KIF27: variants seen among roughly 807,000 people sequenced by gnomAD.
The protein encoded by KIF27 is kinesin-like protein KIF27.
KIF27 carries 84 observed loss-of-function variants against 141.8 expected under a neutral mutation model. The ratio of observed to expected loss-of-function variants is 0.59; its 90% confidence interval spans 0.50 to 0.71. The LOEUF (loss-of-function observed/expected upper bound fraction) is 0.71, where lower values mean the gene tolerates loss of function less well. Among genes scored for constraint, KIF27 ranks in the 30% least tolerant of loss-of-function variants. The pLI, the probability that KIF27 is intolerant of heterozygous loss-of-function variation, is 0.00. For missense variants in KIF27, 1,306 were observed against 1,628.4 expected, an observed-to-expected ratio of 0.80 and a Z score of 3.41; for synonymous variants, 471 against 569.5, an observed-to-expected ratio of 0.83 and a Z score of 2.46.
chr9:83,903,615 A>C lies in KIF27; in HGVS notation c.903T>G (p.Leu301=). The C allele has an allele frequency of 1.2e-6, 2 of 1,614,150 alleles. No homozygotes were observed. The highest frequency in any genetic ancestry group is 1.7e-6 in the Non-Finnish European group (2 of 1,180,026). The stretch of plus-strand genomic sequence containing the variant: ...CACTGCCTCCCAGAGAATCTTTCAG[A>C]AGCCGGGTAATTTTAGCATCCCTAT... ...IPYRDAKITR[L]LKDSLGGSAK... is the part of the protein sequence containing the mutation. Residue 301 remains leucine (L), a synonymous_variant, in exon 4 of 18, where the codon CTT becomes CTG. Transcript: ENST00000297814.
intron 10 of KIF27, among the ~76,000 whole-genome samples, chr9:83,883,205 C>G (rs1000219357): frequency 2.0e-5 from 3 of 152,064 alleles, no homozygotes; most frequent in African/African-American, 4.8e-5. Flanking sequence ...GAGGACACAT[C>G]CTAGAAAGTT....
chr9:83,862,704 C>A (rs1211305440), intron 13 of KIF27, among the ~76,000 whole-genome samples: 1 of 152,084 alleles, frequency 6.6e-6, no homozygotes, highest in Non-Finnish European at 1.5e-5. Context: ...TTTTCCAGTT[C>A]TGTGAAGAAA....
chr9:83,858,989 G>C (rs1023204223), intron 14 of KIF27, 167 bp downstream of exon 14: 3 of 626,328 alleles, frequency 4.8e-6, no homozygotes, highest in Non-Finnish European at 8.6e-6. Context: ...CTCTAGTCCA[G>C]CGTGGTTTAT....
At chr9:83,909,210 T>C (rs1218066569) in intron 2 of KIF27, among the ~76,000 whole-genome samples, 2 of 152,010 alleles carry the variant, frequency 1.3e-5, no homozygotes, top group South Asian at 2.1e-4. Flanking sequence ...GGAAAAAAAA[T>C]ACGGCAGGGT....
intron 16 of KIF27, among the ~76,000 whole-genome samples, chr9:83,844,538 ACTC>A (rs1947010922): frequency 6.6e-6 from 1 of 151,940 alleles, no homozygotes; most frequent in South Asian, 2.1e-4. Context: ...TAAGGACTCT[ACTC>A]CTAATAGTAT....
At chr9:83,848,452 A>C (rs1224147448) in intron 16 of KIF27, among the ~76,000 whole-genome samples, 1 of 139,810 alleles carries the variant, frequency 7.2e-6, no homozygotes, top group Non-Finnish European at 1.5e-5. Context: ...TGCTATATGT[A>C]TATATCTATA....
chr9:83,907,553 T>C (rs1954689786), intron 3 of KIF27, among the ~76,000 whole-genome samples: 1 of 152,174 alleles, frequency 6.6e-6, no homozygotes, highest in South Asian at 2.1e-4. Flanking sequence ...CATTCTAACC[T>C]TCTCCCATTT....
At chr9:83,839,411 T>C (rs974246866) in intron 17 of KIF27, among the ~76,000 whole-genome samples, 1 of 152,148 alleles carries the variant, frequency 6.6e-6, no homozygotes, top group Non-Finnish European at 1.5e-5. Context: ...ATCTTTTGAC[T>C]CTATTATCCT....
rs763878405 is a variant in KIF27, at chr9:83,903,280, C to T, written c.1238G>A (p.Cys413Tyr). ...GAAGGTAAAGGCTTCTTCTACACAACACTGGTAACCCAGACATTCTCCTTG... is the reference window on the plus strand; with the variant it reads ...GAAGGTAAAGGCTTCTTCTACACAATACTGGTAACCCAGACATTCTCCTTG... ...QLQGECLGYQ[C>Y]CVEEAFTFLV... Residue 413 changes from cysteine (C) to tyrosine (Y), a missense_variant, in exon 4 of 18, where the codon TGT becomes TAT. This residue lies in a region of KIF27 where 533 missense variants were observed against 565.6 expected (regional missense o/e 0.94). Transcript: ENST00000297814. 24 of 1,614,094 alleles carry T rather than the reference C, an allele frequency of 1.5e-5. No homozygotes were observed. In the Admixed American group the frequency reaches 3.7e-4, roughly 25 times the overall value.
In KIF27 at chr9:83,896,104, A is replaced by G. The variant is rs553855375; in HGVS notation, c.1602+3557T>C. ...AACACACACAAGTTTATAGCCAGGC[A>G]TGGCAGCGGGTGCCTGTAATCCCAG... is the stretch of plus-strand genomic sequence containing the variant. On this transcript the variant is annotated intron_variant, in intron 5 of 17. Transcript: ENST00000297814. 8.2e-4 allele frequency among the ~76,000 whole-genome samples: 124 copies of G among 150,708 alleles called. No homozygotes were observed. In the Middle Eastern group the frequency reaches 0.014, roughly 17 times the overall value.
At chr9:83,907,749 T>C (rs1288387446) in intron 3 of KIF27, among the ~76,000 whole-genome samples, 2 of 151,946 alleles carry the variant, frequency 1.3e-5, no homozygotes, top group Admixed American at 6.6e-5. Flanking sequence ...GAAAGGCAAG[T>C]TCTGGGTCAA....
chr9:83,886,865 A>G (rs1952155072), intron 9 of KIF27, among the ~76,000 whole-genome samples, 176 bp downstream of exon 9: 1 of 152,228 alleles, frequency 6.6e-6, no homozygotes, highest in Admixed American at 6.5e-5. Flanking sequence ...TCCCAAAACA[A>G]CAAAATTCTT....
chr9:83,913,590 C>T (rs1295687627), intron 2 of KIF27, among the ~76,000 whole-genome samples: 4 of 152,150 alleles, frequency 2.6e-5, no homozygotes, highest in Admixed American at 1.3e-4. Context: ...GCATGTGCCA[C>T]GACGCCCAGC....
intron 7 of KIF27, among the ~76,000 whole-genome samples, chr9:83,888,794 G>A (rs1465008112): frequency 7.1e-6 from 1 of 141,482 alleles, no homozygotes; most frequent in Non-Finnish European, 1.5e-5. Context: ...TGTTGCCAAC[G>A]TGGCAGCAGA....
At chr9:83,861,541 G>T (rs928991271) in intron 13 of KIF27, among the ~76,000 whole-genome samples, 1 of 152,126 alleles carries the variant, frequency 6.6e-6, no homozygotes, top group Non-Finnish European at 1.5e-5. Context: ...AGTATTCCAC[G>T]GTGTGTATGT....
At chr9:83,920,856 T>C (rs1956195144) in intron 1 of KIF27, among the ~76,000 whole-genome samples, 2 of 102,530 alleles carry the variant, frequency 2.0e-5, no homozygotes, top group African/African-American at 3.5e-5. Flanking sequence ...AGTTTCAACC[T>C]CTACGGTGGG....
chr9:83,862,077 C>T (rs1175241528), intron 13 of KIF27, among the ~76,000 whole-genome samples: 5 of 151,744 alleles, frequency 3.3e-5, no homozygotes, highest in Non-Finnish European at 5.9e-5. Flanking sequence ...GGATATTAGC[C>T]CTTTGTCAGA....
chr9:83,876,695 A>G (rs1951226555), intron 11 of KIF27, among the ~76,000 whole-genome samples: 2 of 152,242 alleles, frequency 1.3e-5, no homozygotes. Flanking sequence ...AAATAGTGTG[A>G]TACTAGCATG....
At position 83,836,759 on chromosome 9, in the gene KIF27, T is replaced by C; in HGVS notation, c.*242A>G. 1.2e-5 allele frequency: 6 copies of C among 481,364 alleles called. No homozygotes were observed. The South Asian group carries it at 2.5e-4, about 20-fold the overall frequency. The allele number at this position is 481,364 out of a possible 1,614,324, so 29.8% of individuals were successfully genotyped here. A position where few individuals can be genotyped will look rare whatever the true frequency, so the allele number is the denominator to read the frequency against. ...CTGGAAAAACATTTAAGCGTATTTA[T>C]AAATATTTAAATGTTATCAAGTATT... On this transcript the variant is annotated 3_prime_UTR_variant, in exon 18 of 18. Coordinates refer to ENST00000297814, the MANE Select transcript of KIF27 (RefSeq NM_017576.4).
Sources: allele counts gnomAD v4.1 joint callset (sites outside exome capture counted in the v4.1 genomes callset), GRCh38; gene constraint gnomAD v4.1.1; regional missense constraint gnomAD v4.1.1; transcripts MANE v1.5; gene names NCBI Gene and HGNC (gene_info 2026-07-23, HGNC 2026-07-21).